The following DLEC1 variants were observed in gnomAD, a reference collection of about 807,000 sequenced individuals.
The protein encoded by DLEC1 is DLEC1 cilia and flagella associated protein.
DLEC1 carries 146 observed loss-of-function variants against 198.1 expected under a neutral mutation model. The observed-to-expected ratio is 0.74, with a 90% CI of 0.64 to 0.85. The LOEUF (loss-of-function observed/expected upper bound fraction) is 0.85, where lower values mean the gene tolerates loss of function less well. DLEC1 is among the 40% of genes least tolerant of loss of function. DLEC1 has a pLI of 0.00. For missense variants in DLEC1, 2,233 were observed against 2,220.0 expected (o/e 1.01, Z -0.12); for synonymous variants, 897 against 866.8 (o/e 1.03, Z -0.61).
chr3:38,069,839 T>C (rs757456775), intron 6 of DLEC1, among the ~76,000 whole-genome samples: 6 of 152,148 alleles, frequency 3.9e-5, no homozygotes, highest in Admixed American at 1.3e-4. Context: ...TAATATGTAG[T>C]GTTGGCCAAA....
At chr3:38,086,521 C>T in intron 9 of DLEC1, 144 bp downstream of exon 9, 3 of 1,132,488 alleles carry the variant, frequency 2.6e-6, no homozygotes, top group East Asian at 2.6e-5. Flanking sequence ...TGCCACAACC[C>T]GAATGAGAAT....
At chr3:38,056,833 A>G (rs1330007018) in intron 2 of DLEC1, among the ~76,000 whole-genome samples, 1 of 152,242 alleles carries the variant, frequency 6.6e-6, no homozygotes, top group Non-Finnish European at 1.5e-5. Context: ...CAAACAGCTC[A>G]CTTAGGAAAG....
In DLEC1 at chr3:38,086,279, G is replaced by T; in HGVS notation, c.1474G>T (p.Gly492Ter). 1 of 1,612,778 alleles carries T rather than the reference G, an allele frequency of 6.2e-7. No homozygotes were observed. The highest frequency in any genetic ancestry group is 2.2e-5 in the East Asian group (1 of 44,822). Residue 492 changes from glycine to a stop codon, truncating the protein, a stop_gained, in exon 9 of 37, where the codon GGA becomes TGA. Transcript: ENST00000308059. LOFTEE classifies it high-confidence loss of function. ...VLDCGYCLIG[G>*]VKMTRFICKN... ...GGACTGTGGTTACTGCCTCATTGGG[G>T]GAGTCAAGATGACCAGATTCATCTG...
intron 2 of DLEC1, among the ~76,000 whole-genome samples, chr3:38,055,036 A>C (rs1362791434): frequency 6.6e-6 from 1 of 152,252 alleles, no homozygotes; most frequent in Non-Finnish European, 1.5e-5. Flanking sequence ...TGGAAATGAC[A>C]AGTACAATAG....
intron 19 of DLEC1, among the ~76,000 whole-genome samples, chr3:38,100,884 C>A (rs1395171214): frequency 2.0e-5 from 3 of 152,166 alleles, no homozygotes; most frequent in African/African-American, 7.2e-5. Context: ...TTTAAATAAG[C>A]ACATACCATT....
intron 3 of DLEC1, among the ~76,000 whole-genome samples, chr3:38,060,187 A>T (rs2073400): frequency 0.42 from 63,752 of 152,070 alleles, 13,924 homozygotes; most frequent in East Asian, 0.59. Context: ...GGGAGCGTGT[A>T]CCTGATGAGT....
intron 6 of DLEC1, among the ~76,000 whole-genome samples, chr3:38,065,609 T>C (rs1365864750): frequency 6.6e-6 from 1 of 152,192 alleles, no homozygotes. Context: ...AGAAGGAAAA[T>C]ATGATATCAT....
chr3:38,115,916 A>G (rs1342959386), intron 27 of DLEC1, among the ~76,000 whole-genome samples: 1 of 151,904 alleles, frequency 6.6e-6, no homozygotes, highest in Non-Finnish European at 1.5e-5. Flanking sequence ...CAGCTGGGGG[A>G]CTTCCCCCAG....
intron 2 of DLEC1, among the ~76,000 whole-genome samples, chr3:38,057,426 A>C (rs1696432098): frequency 1.3e-5 from 2 of 152,156 alleles, no homozygotes; most frequent in Admixed American, 1.3e-4. Flanking sequence ...CAGGAAGCAG[A>C]AGTTGCAGTG....
At chr3:38,078,000 C>T (rs1045240189) in intron 6 of DLEC1, among the ~76,000 whole-genome samples, 3 of 151,882 alleles carry the variant, frequency 2.0e-5, no homozygotes, top group Non-Finnish European at 4.4e-5. Context: ...TGGTGTGTGG[C>T]GATTAGGCCT....
chr3:38,041,206 G>A (rs1247128282), intron 1 of DLEC1, among the ~76,000 whole-genome samples: 1 of 152,016 alleles, frequency 6.6e-6, no homozygotes, highest in Non-Finnish European at 1.5e-5. Flanking sequence ...GTTTCACTGT[G>A]TTAGCCAGGA....
chr3:38,078,626 G>A (rs1290680972), intron 6 of DLEC1, among the ~76,000 whole-genome samples: 1 of 152,192 alleles, frequency 6.6e-6, no homozygotes, highest in East Asian at 1.9e-4. Flanking sequence ...AAGTAATGGG[G>A]TCTATCTGTG....
At chr3:38,117,456 A>G in intron 31 of DLEC1, 71 bp from the exon 32 acceptor site, 2 of 1,608,390 alleles carry the variant, frequency 1.2e-6, no homozygotes, top group Non-Finnish European at 1.7e-6. Context: ...CCGAGGCTGG[A>G]TGAGCAGAGT....
In DLEC1 at chr3:38,120,950, A is replaced by G. The variant is rs548747180; in HGVS notation, c.4866+341A>G. On this transcript the variant is annotated intron_variant, in intron 34 of 36. Coordinates refer to ENST00000308059, the MANE Select transcript of DLEC1 (RefSeq NM_007335.4). Reference sequence around the variant, plus strand: ...AAAAGAAAGGCCTGATGGGTGGGACAGAGCACCTGAAGCAGCTGCGAAGGA... The same window carrying G: ...AAAAGAAAGGCCTGATGGGTGGGACGGAGCACCTGAAGCAGCTGCGAAGGA... Among the ~76,000 whole-genome samples the G allele has an allele frequency of 3.3e-5, 5 of 152,344 alleles. No individual in the cohort carries two copies. In the East Asian group the frequency reaches 9.7e-4, roughly 29 times the overall value.
In DLEC1 at chr3:38,112,371, C is replaced by A; in HGVS notation, c.3666+10C>A. On this transcript the variant is annotated intron_variant, in intron 25 of 36. Transcript: ENST00000308059. This position sits in a 1 kb window ranked among gnomAD's most constrained non-coding sequence, Gnocchi z 4.8. ...CAACCTCATCTGCACGGTAAGGGTA[C>A]ACAAGAGGGCAGTGGCCTGGGGGGT... 6.2e-7 allele frequency: 1 copy of A among 1,613,576 alleles called. No homozygotes were observed. Among genetic ancestry groups the A allele is most frequent in the Non-Finnish European group, 8.5e-7 (1 of 1,179,584 alleles).
At chr3:38,050,729 T>A (rs1262707155) in intron 2 of DLEC1, among the ~76,000 whole-genome samples, 1 of 152,216 alleles carries the variant, frequency 6.6e-6, no homozygotes, top group Non-Finnish European at 1.5e-5. Context: ...TCCTAAACTA[T>A]AGCAGATGGC....
intron 6 of DLEC1, among the ~76,000 whole-genome samples, chr3:38,081,569 GGGCT>G (rs1559425831): frequency 9.7e-6 from 1 of 103,506 alleles, no homozygotes; most frequent in African/African-American, 4.4e-5. Context: ...GCCGGGCAGG[GGGCT>G]GAGCCCCTCA....
chr3:38,096,423 TA>T, intron 14 of DLEC1, 145 bp from the exon 15 acceptor site: 1 of 938,034 alleles, frequency 1.1e-6, no homozygotes, highest in Non-Finnish European at 1.6e-6. Flanking sequence ...AGGCACTGGC[TA>T]ATGCCTTTGA....
At position 38,086,256 on chromosome 3, in the gene DLEC1, A is replaced by G; in HGVS notation, c.1451A>G (p.Asp484Gly). 6 of 1,612,016 alleles carry G rather than the reference A, an allele frequency of 3.7e-6. No individual in the cohort carries two copies. The highest frequency in any genetic ancestry group is 3.4e-6 in the Non-Finnish European group (4 of 1,179,014). Residue 484 changes from aspartate (D) to glycine (G), a missense_variant, in exon 9 of 37, where the codon GAC (aspartate) becomes GGC (glycine). Physicochemically the swap from Asp to Gly is moderately conservative, Grantham distance 94. Coordinates refer to ENST00000308059, the MANE Select transcript of DLEC1 (RefSeq NM_007335.4). ...PPVLTLSPVLDCGYCLIGGVK... is the reference protein window; with the variant it reads ...PPVLTLSPVLGCGYCLIGGVK... ...GTGGCTACAGTGTCACCGGTGTTGG[A>G]CTGTGGTTACTGCCTCATTGGGGGA...
Sources: gnomAD v4.1 joint callset for allele counts (sites outside exome capture counted in the v4.1 genomes callset) on GRCh38, gnomAD v4.1.1 for gene constraint, Gnocchi (gnomAD v3.1) non-coding constraint, MANE v1.5 for transcripts, NCBI Gene and HGNC (gene_info 2026-07-23, HGNC 2026-07-21) for gene names.